GRM1: variants seen among roughly 807,000 people sequenced by gnomAD.
The protein encoded by GRM1 is glutamate metabotropic receptor 1, also known as metabotropic glutamate receptor 1.
Under a neutral mutation model 90.9 loss-of-function variants are expected in GRM1, and 33 were observed. That is an observed-to-expected ratio of 0.36 (90% CI 0.28 to 0.49). The LOEUF is 0.49. GRM1 is among the 20% of genes least tolerant of loss of function. The pLI is 0.99. For missense variants in GRM1, 1,190 were observed against 1,534.3 expected (o/e 0.78, Z 3.75); for synonymous variants, 700 against 613.2 (o/e 1.14, Z -2.09).
At chr6:146,149,025 T>G (rs1471700933) in intron 1 of GRM1, among the ~76,000 whole-genome samples, 2 of 152,206 alleles carry the variant, frequency 1.3e-5, no homozygotes, top group African/African-American at 4.8e-5. Context: ...TTTGTATTTT[T>G]ATACCACTTA....
intron 6 of GRM1, among the ~76,000 whole-genome samples, chr6:146,389,779 A>T (rs1554305707): frequency 6.6e-6 from 1 of 152,082 alleles, no homozygotes; most frequent in Non-Finnish European, 1.5e-5. Flanking sequence ...TGCAAATCTT[A>T]TCTTTAGGGT....
intron 1 of GRM1, among the ~76,000 whole-genome samples, chr6:146,090,859 A>G (rs2128867320): frequency 6.6e-6 from 1 of 152,142 alleles, no homozygotes; most frequent in South Asian, 2.1e-4. Flanking sequence ...AGAATTTCCA[A>G]TCCCTGAACC....
chr6:146,041,431 G>C (rs1791099009), intron 1 of GRM1, among the ~76,000 whole-genome samples: 1 of 151,956 alleles, frequency 6.6e-6, no homozygotes, highest in African/African-American at 2.4e-5. Context: ...TGCCTGTTGA[G>C]TCCCCTTAGC....
At chr6:146,258,010 T>C (rs1250965419) in intron 2 of GRM1, among the ~76,000 whole-genome samples, 3 of 152,144 alleles carry the variant, frequency 2.0e-5, no homozygotes, top group Non-Finnish European at 4.4e-5. Flanking sequence ...ATAGTTTTTT[T>C]CTAAGAAAAT....
chr6:146,368,259 T>TTG (rs1775767976), intron 5 of GRM1, among the ~76,000 whole-genome samples: 1 of 125,460 alleles, frequency 8.0e-6, no homozygotes, highest in Non-Finnish European at 1.7e-5. Context: ...CAGTTTTTTT[T>TTG]TGGGGGGGGG....
intron 6 of GRM1, among the ~76,000 whole-genome samples, chr6:146,392,780 G>A (rs1776777981): frequency 6.6e-6 from 1 of 152,106 alleles, no homozygotes; most frequent in South Asian, 2.1e-4. Flanking sequence ...GTGAGAACAT[G>A]CAATGTTTGG....
chr6:146,293,842 G>A (rs562520618), intron 2 of GRM1, among the ~76,000 whole-genome samples: 76 of 151,426 alleles, frequency 5.0e-4, no homozygotes, highest in Non-Finnish European at 9.5e-4. Context: ...TAAGAAAATG[G>A]TTAGGATTAA....
At chr6:146,323,477 G>C (rs962039375) in intron 3 of GRM1, among the ~76,000 whole-genome samples, 150 of 152,196 alleles carry the variant, frequency 9.9e-4, no homozygotes, top group Middle Eastern at 6.8e-3. Context: ...GTTCATTGTA[G>C]ATTCTGGATA....
At chr6:146,033,138 G>T (rs1349901840) in intron 1 of GRM1, among the ~76,000 whole-genome samples, 1 of 152,130 alleles carries the variant, frequency 6.6e-6, no homozygotes, top group African/African-American at 2.4e-5. Flanking sequence ...AATTGTTCAT[G>T]ATTAGCTCTG....
chr6:146,034,008 T>C (rs1028901955), intron 1 of GRM1, among the ~76,000 whole-genome samples: 1 of 152,092 alleles, frequency 6.6e-6, no homozygotes, highest in Admixed American at 6.6e-5. Flanking sequence ...TTTTATCATA[T>C]AGTAAGAAAT....
chr6:146,374,657 C>T (rs1297372024), intron 5 of GRM1, among the ~76,000 whole-genome samples: 1 of 151,994 alleles, frequency 6.6e-6, no homozygotes, highest in Non-Finnish European at 1.5e-5. Context: ...TATTGGCATA[C>T]AGTTGTTCAT....
rs145444144 is a variant in GRM1 at position 146,039,227 on chromosome 6, T to G, written c.700+9010T>G. 1.5e-3 allele frequency among the ~76,000 whole-genome samples: 222 copies of G among 151,970 alleles called. 1 individual carries two copies. Among genetic ancestry groups the G allele is most frequent in the African/African-American group, 5.2e-3 (215 of 41,476 alleles). ...GACAACAGAGAGAACTGTGATTAGC[T>G]CCCTCTGGTCCAGGGAAGCAGTGAG... On this transcript the variant is annotated intron_variant, in intron 1 of 7. Transcript: ENST00000282753.
At chr6:146,394,419 A>G (rs1776852557) in intron 6 of GRM1, among the ~76,000 whole-genome samples, 2 of 152,168 alleles carry the variant, frequency 1.3e-5, no homozygotes, top group African/African-American at 4.8e-5. Context: ...AAAGGAGAGT[A>G]TGATATATAC....
intron 1 of GRM1, among the ~76,000 whole-genome samples, chr6:146,084,808 T>C (rs1416100048): frequency 2.0e-5 from 3 of 152,176 alleles, no homozygotes; most frequent in Non-Finnish European, 4.4e-5. Context: ...TTTTCTGTCT[T>C]GTTGATCTGT....
At position 146,090,594 on chromosome 6, in the gene GRM1, T is replaced by G. The variant is rs545560436; in HGVS notation, c.700+60377T>G. Among the ~76,000 whole-genome samples the G allele has an allele frequency of 3.3e-3, 496 of 152,200 alleles. 2 individuals carry two copies. Among genetic ancestry groups the G allele is most frequent in the Non-Finnish European group, 5.8e-3 (394 of 67,998 alleles). On this transcript the variant is annotated intron_variant, in intron 1 of 7. Transcript: ENST00000282753. ...AACTATAATGTAATCCCTGCCCCATTGGGTGGCTTTAAGCCATAGCTGTGC... is the reference window on the plus strand; with the variant it reads ...AACTATAATGTAATCCCTGCCCCATGGGGTGGCTTTAAGCCATAGCTGTGC...
chr6:146,132,085 A>G (rs1776420161), intron 1 of GRM1, among the ~76,000 whole-genome samples: 1 of 152,244 alleles, frequency 6.6e-6, no homozygotes, highest in South Asian at 2.1e-4. Context: ...CAGAGCGGAA[A>G]GAAGTAAGGC....
chr6:146,193,484 A>G (rs137904175), intron 2 of GRM1, among the ~76,000 whole-genome samples: 13 of 152,286 alleles, frequency 8.5e-5, no homozygotes, highest in Middle Eastern at 6.8e-3. Flanking sequence ...AGTGAAAAAA[A>G]GTACAACTGG....
At position 146,168,247 on chromosome 6, in the gene GRM1, G is replaced by A. The variant is rs765278283; in HGVS notation, c.950+8650G>A. Among the ~76,000 whole-genome samples, 9 of 151,730 alleles carry A rather than the reference G, an allele frequency of 5.9e-5. 1 individual carries two copies. The highest frequency in any genetic ancestry group is 8.8e-5 in the Non-Finnish European group (6 of 67,850). The stretch of plus-strand genomic sequence containing the variant: ...TTTTATCTCTATTTTTGGCTTACTA[G>A]CTATGACAATTATTTTATGAATAGT... On this transcript the variant is annotated intron_variant, in intron 2 of 7. Coordinates refer to ENST00000282753, the MANE Select transcript of GRM1 (RefSeq NM_001278064.2).
chr6:146,267,675 GGGCTGGGCTCGGCTC>G (rs1562568619), intron 2 of GRM1, among the ~76,000 whole-genome samples: 60 of 103,230 alleles, frequency 5.8e-4, no homozygotes, highest in African/African-American at 4.4e-3. Flanking sequence ...GGGCTGGGCT[GGGCTGGGCTCGGCTC>G]GGCTCGGCTC....
Sources: gnomAD v4.1 joint callset for allele counts (sites outside exome capture counted in the v4.1 genomes callset) on GRCh38, gnomAD v4.1.1 for gene constraint, MANE v1.5 for transcripts, NCBI Gene and HGNC (gene_info 2026-07-23, HGNC 2026-07-21) for gene names.